The following PDE3B variants were observed in gnomAD, a reference collection of about 807,000 sequenced individuals.
PDE3B encodes cGMP-inhibited 3',5'-cyclic phosphodiesterase 3B.
A neutral mutation model predicts 116.8 loss-of-function variants in PDE3B; 66 were observed. The ratio of observed to expected loss-of-function variants is 0.56; its 90% CI spans 0.46 to 0.69. The LOEUF is 0.69. PDE3B is among the 30% of genes least tolerant of loss of function. The pLI is 0.00. For synonymous variants in PDE3B, 595 were observed against 533.6 expected (o/e 1.12, Z -1.59); for missense variants, 1,384 against 1,368.1 (o/e 1.01, Z -0.18).
chr11:14,696,351 C>T (rs866273973), intron 1 of PDE3B, among the ~76,000 whole-genome samples: 126 of 152,104 alleles, frequency 8.3e-4, no homozygotes, highest in Middle Eastern at 3.4e-3. Context: ...GGTAGGTATA[C>T]GTTTAACTTC....
At chr11:14,877,962 A>C in the PDE3B span, 464 of 687,314 alleles carry the variant, frequency 6.8e-4, 1 homozygote, top group East Asian at 0.012. Flanking sequence ...AATCACGACT[A>C]GTGCTTGTTT....
intron 1 of PDE3B, among the ~76,000 whole-genome samples, chr11:14,707,553 A>C (rs982689847): frequency 1.4e-4 from 22 of 151,858 alleles, no homozygotes; most frequent in African/African-American, 5.3e-4. Context: ...TTTATTGGGG[A>C]TTTGGAAGTA....
chr11:14,667,148 A>T (rs1333303456), intron 1 of PDE3B, among the ~76,000 whole-genome samples: 2 of 151,628 alleles, frequency 1.3e-5, no homozygotes, highest in African/African-American at 4.8e-5. Context: ...CATGGATGAA[A>T]TTGGAAATCA....
intron 1 of PDE3B, among the ~76,000 whole-genome samples, chr11:14,669,363 AG>A (rs1335399376): frequency 6.6e-6 from 1 of 152,104 alleles, no homozygotes; most frequent in Non-Finnish European, 1.5e-5. Context: ...ACAGAGGGCA[AG>A]GGGGGCTTTG....
intron 1 of PDE3B, among the ~76,000 whole-genome samples, chr11:14,693,755 T>G (rs1176347122): frequency 6.6e-6 from 1 of 152,202 alleles, no homozygotes; most frequent in African/African-American, 2.4e-5. Flanking sequence ...AAATGTTGTT[T>G]TCATGCCTGC....
intron 5 of PDE3B, among the ~76,000 whole-genome samples, chr11:14,804,487 A>AT (rs1446819800): frequency 6.6e-6 from 1 of 152,120 alleles, no homozygotes; most frequent in Non-Finnish European, 1.5e-5. Flanking sequence ...TTATAGAATG[A>AT]TTAAAAACTC....
At chr11:14,883,098 G>A in the PDE3B span, among the ~76,000 whole-genome samples, 6 of 152,206 alleles carry the variant, frequency 3.9e-5, no homozygotes, top group African/African-American at 1.4e-4. Context: ...CATGAAAATG[G>A]CCATACTGCC....
At chr11:14,797,285 C>T (rs1031268911) in intron 4 of PDE3B, among the ~76,000 whole-genome samples, 1 of 152,194 alleles carries the variant, frequency 6.6e-6, no homozygotes, top group Non-Finnish European at 1.5e-5. Flanking sequence ...TCTGCAGCCT[C>T]TCCTGGTGAT....
At chr11:14,675,651 A>G (rs1196871064) in intron 1 of PDE3B, among the ~76,000 whole-genome samples, 1 of 152,130 alleles carries the variant, frequency 6.6e-6, no homozygotes, top group Non-Finnish European at 1.5e-5. Context: ...TTCACTTCAT[A>G]TACTGTCCTG....
chr11:14,869,285 G>A (rs1442256367), intron 15 of PDE3B, among the ~76,000 whole-genome samples, 176 bp from the exon 16 acceptor site: 3 of 151,574 alleles, frequency 2.0e-5, no homozygotes, highest in African/African-American at 4.8e-5. Context: ...ACACCATAAC[G>A]CAGGGATTAT....
intron 1 of PDE3B, among the ~76,000 whole-genome samples, chr11:14,675,493 T>G (rs1323062319): frequency 6.6e-6 from 1 of 152,156 alleles, no homozygotes; most frequent in African/African-American, 2.4e-5. Flanking sequence ...AGATACAGAA[T>G]CTTTCCTTGA....
At chr11:14,703,736 G>A (rs544477850) in intron 1 of PDE3B, among the ~76,000 whole-genome samples, 1 of 151,646 alleles carries the variant, frequency 6.6e-6, no homozygotes, top group East Asian at 1.9e-4. Flanking sequence ...TTCCTTAAAT[G>A]CTTGGTTGAA....
chr11:14,887,777 T>C, the PDE3B span: 1 of 209,400 alleles, frequency 4.8e-6, no homozygotes, highest in East Asian at 1.8e-4. Flanking sequence ...CACTGACTCA[T>C]TATCTTCTTC....
In PDE3B at chr11:14,852,324, G is replaced by T. The variant is rs141079507; in HGVS notation, c.2521-6719G>T. Among the ~76,000 whole-genome samples, 26 of 152,316 alleles carry T rather than the reference G, an allele frequency of 1.7e-4. No homozygotes were observed. The East Asian group carries it at 5.0e-3, about 29-fold the overall frequency. ...GTCCGCCTCAGCCTCCCAAAGTGCT[G>T]GGATTACAGGCATGAGCTACCATGC... is the stretch of plus-strand genomic sequence containing the variant. On this transcript the variant is annotated intron_variant, in intron 12 of 15. Transcript: ENST00000282096.
At chr11:14,745,684 A>C (rs1462584559) in intron 1 of PDE3B, among the ~76,000 whole-genome samples, 1 of 151,280 alleles carries the variant, frequency 6.6e-6, no homozygotes, top group Non-Finnish European at 1.5e-5. Flanking sequence ...TTCTCCTTTT[A>C]TTTTTCCTCC....
chr11:14,710,735 T>G (rs568794061), intron 1 of PDE3B, among the ~76,000 whole-genome samples: 12 of 152,312 alleles, frequency 7.9e-5, no homozygotes, highest in Admixed American at 7.2e-4. Context: ...AGACAGAGAC[T>G]GAGGGAGATC....
intron 12 of PDE3B, among the ~76,000 whole-genome samples, chr11:14,853,969 T>C (rs1399589054): frequency 6.6e-6 from 1 of 152,226 alleles, no homozygotes; most frequent in Non-Finnish European, 1.5e-5. Context: ...TTAAGATGAC[T>C]AAACACATGA....
chr11:14,736,069 G>T (rs1425695433), intron 1 of PDE3B, among the ~76,000 whole-genome samples: 1 of 151,808 alleles, frequency 6.6e-6, no homozygotes, highest in African/African-American at 2.4e-5. Context: ...AGTTTTACCT[G>T]TGCTCTTCTC....
intron 7 of PDE3B, among the ~76,000 whole-genome samples, chr11:14,820,142 G>C (rs1394321330): frequency 6.6e-6 from 1 of 151,618 alleles, no homozygotes; most frequent in East Asian, 1.9e-4. Flanking sequence ...CATTTTAAAG[G>C]ATTGTTAACA....
Sources: gnomAD v4.1 joint callset for allele counts (sites outside exome capture counted in the v4.1 genomes callset) on GRCh38, gnomAD v4.1.1 for gene constraint, MANE v1.5 for transcripts, NCBI Gene and HGNC (gene_info 2026-07-23, HGNC 2026-07-21) for gene names.